The following MBD5 variants were observed in gnomAD, a reference collection of about 807,000 sequenced individuals.
MBD5 encodes the protein methyl-CpG binding domain protein 5.
MBD5 carries 13 observed loss-of-function variants against 117.3 expected under a neutral mutation model. That is an observed-to-expected ratio of 0.11 (90% CI 0.07 to 0.18). MBD5 has a LOEUF of 0.18. MBD5 is among the 10% of genes least tolerant of loss of function. MBD5 has a pLI of 1.00. For missense variants in MBD5, 1,879 were observed against 2,093.8 expected (o/e 0.90, Z 2.00); for synonymous variants, 727 against 766.4 (o/e 0.95, Z 0.85).
At chr2:148,274,032 A>C (rs1701044949) in intron 3 of MBD5, among the ~76,000 whole-genome samples, 1 of 151,810 alleles carries the variant, frequency 6.6e-6, no homozygotes, top group East Asian at 1.9e-4. Flanking sequence ...CTCATTTGGA[A>C]GTTTTTCTTA....
chr2:148,146,940 T>C (rs1223161074), intron 1 of MBD5, among the ~76,000 whole-genome samples: 1 of 152,196 alleles, frequency 6.6e-6, no homozygotes, highest in Non-Finnish European at 1.5e-5. Context: ...TATTACCTTT[T>C]TCAACTCCAG....
intron 1 of MBD5, among the ~76,000 whole-genome samples, chr2:148,064,245 A>G (rs898435985): frequency 6.6e-6 from 1 of 150,602 alleles, no homozygotes; most frequent in South Asian, 2.1e-4. Flanking sequence ...CCCGCCTAGT[A>G]GCTGGGACCA....
chr2:148,431,848 C>T (rs986451231), intron 4 of MBD5, among the ~76,000 whole-genome samples: 11 of 152,158 alleles, frequency 7.2e-5, no homozygotes, highest in Admixed American at 6.6e-5. Context: ...TGGACATACA[C>T]GTGCATGTGT....
intron 4 of MBD5, among the ~76,000 whole-genome samples, chr2:148,441,637 G>GGCGACTAGCTCA (rs1706326789): frequency 6.6e-6 from 1 of 152,022 alleles, no homozygotes; most frequent in Admixed American, 6.6e-5. Context: ...GGGATTGCTG[G>GGCGACTAGCTCA]GTCAAATGGT....
chr2:148,371,102 G>C (rs1057223688), intron 4 of MBD5, among the ~76,000 whole-genome samples: 1 of 152,044 alleles, frequency 6.6e-6, no homozygotes, highest in African/African-American at 2.4e-5. Flanking sequence ...ATATGTATAA[G>C]CATTTCAAAA....
chr2:148,507,715 G>T (rs1002564038), intron 12 of MBD5, among the ~76,000 whole-genome samples: 1 of 150,554 alleles, frequency 6.6e-6, no homozygotes, highest in Non-Finnish European at 1.5e-5. Flanking sequence ...AGCCGAGACT[G>T]CGCCACTGCA....
At chr2:148,206,993 G>A (rs905800488) in intron 2 of MBD5, among the ~76,000 whole-genome samples, 12 of 152,202 alleles carry the variant, frequency 7.9e-5, no homozygotes, top group South Asian at 2.1e-4. Context: ...AAGTTCAGTG[G>A]AAGAAAAGTG....
At chr2:148,254,008 C>T (rs76900327) in intron 3 of MBD5, among the ~76,000 whole-genome samples, 19,251 of 152,214 alleles carry the variant, frequency 0.13, 1,465 homozygotes, top group Non-Finnish European at 0.18. Flanking sequence ...GCCAGGGGCA[C>T]CCTCTGGGCA....
chr2:148,066,331 C>G (rs1184653349), intron 1 of MBD5, among the ~76,000 whole-genome samples: 3 of 151,828 alleles, frequency 2.0e-5, no homozygotes, highest in Non-Finnish European at 4.4e-5. Context: ...GTCAATCAAT[C>G]AATAATAAAT....
intron 3 of MBD5, among the ~76,000 whole-genome samples, chr2:148,302,943 TTATATCATATA>T (rs1380786510): frequency 1.3e-5 from 2 of 149,938 alleles, no homozygotes; most frequent in African/African-American, 4.9e-5. Context: ...ATATGTTTCA[TTATATCATATA>T]TACATTATAT....
Position 148,249,615 on chromosome 2 carries a change from G to C in MBD5, c.-680+16220G>C, listed in dbSNP as rs544605533. ...CATGTAGATACTGTACTATATACTGGAGAATTACCACTGATAGTTTTCCCC... is the reference window on the plus strand; with the variant it reads ...CATGTAGATACTGTACTATATACTGCAGAATTACCACTGATAGTTTTCCCC... On this transcript the variant is annotated intron_variant, in intron 3 of 13. Transcript: ENST00000642680. 3.3e-5 allele frequency among the ~76,000 whole-genome samples: 5 copies of C among 152,144 alleles called. 1 individual carries two copies. In the South Asian group the frequency reaches 1.0e-3, roughly 32 times the overall value.
At chr2:148,472,966 G>A (rs979644158) in intron 8 of MBD5, among the ~76,000 whole-genome samples, 4 of 152,082 alleles carry the variant, frequency 2.6e-5, no homozygotes, top group Non-Finnish European at 5.9e-5. Flanking sequence ...ACTGAATCAG[G>A]ATTTGAACTG....
Position 148,414,098 on chromosome 2 carries a change from G to T in MBD5, c.-556-44105G>T, listed in dbSNP as rs369229035. Among the ~76,000 whole-genome samples, 42 of 152,044 alleles carry T rather than the reference G, an allele frequency of 2.8e-4. 1 individual carries two copies. In the East Asian group the frequency reaches 6.6e-3, roughly 24 times the overall value. ...AGATCTTCCTCACTTTTTGATGTAG[G>T]CATTTAGTGCTATAAACGTTTCTCT... On this transcript the variant is annotated intron_variant, in intron 4 of 13. Transcript: ENST00000642680.
At chr2:148,149,496 A>G (rs1366447107) in intron 1 of MBD5, among the ~76,000 whole-genome samples, 87 of 149,270 alleles carry the variant, frequency 5.8e-4, no homozygotes, top group Middle Eastern at 3.5e-3. Context: ...CTAGTTCTAG[A>G]TCCCTGAGGA....
At chr2:148,309,015 A>G (rs1385189452) in intron 3 of MBD5, among the ~76,000 whole-genome samples, 1 of 151,936 alleles carries the variant, frequency 6.6e-6, no homozygotes, top group Non-Finnish European at 1.5e-5. Flanking sequence ...TGGTCTATAT[A>G]TCTGTTTTGG....
intron 4 of MBD5, among the ~76,000 whole-genome samples, chr2:148,403,318 T>G (rs1448512777): frequency 6.6e-6 from 1 of 152,076 alleles, no homozygotes; most frequent in African/African-American, 2.4e-5. Context: ...TAGCTGAGAT[T>G]ACAGGCACGC....
intron 3 of MBD5, among the ~76,000 whole-genome samples, chr2:148,291,588 C>G (rs1168504474): frequency 6.6e-6 from 1 of 151,992 alleles, no homozygotes; most frequent in Non-Finnish European, 1.5e-5. Flanking sequence ...GATCTTGTAT[C>G]CTGCAATTTT....
intron 3 of MBD5, among the ~76,000 whole-genome samples, chr2:148,270,664 C>T (rs896459075): frequency 7.9e-5 from 12 of 152,156 alleles, no homozygotes; most frequent in African/African-American, 2.9e-4. Flanking sequence ...GCTGGCATTA[C>T]AGGTGTCAGC....
intron 1 of MBD5, among the ~76,000 whole-genome samples, chr2:148,038,622 ATCT>A (rs1461160960): frequency 1.3e-5 from 2 of 151,686 alleles, no homozygotes; most frequent in African/African-American, 2.4e-5. Context: ...CCAGTTTGTA[ATCT>A]TCTTACTGTG....
Sources: allele counts gnomAD v4.1 joint callset (sites outside exome capture counted in the v4.1 genomes callset), GRCh38; gene constraint gnomAD v4.1.1; transcripts MANE v1.5; gene names NCBI Gene and HGNC (gene_info 2026-07-23, HGNC 2026-07-21).